LRP1B: variants seen among roughly 807,000 people sequenced by gnomAD.
LRP1B encodes the protein LDL receptor related protein 1B, also known as low-density lipoprotein receptor-related protein 1B.
LRP1B carries 217 observed loss-of-function variants against 556.6 expected under a neutral mutation model. The observed-to-expected ratio is 0.39, with a 90% CI of 0.35 to 0.44. The LOEUF (loss-of-function observed/expected upper bound fraction) is 0.44, where lower values mean the gene tolerates loss of function less well. Among genes scored for constraint, LRP1B ranks in the 20% least tolerant of loss-of-function variants. The probability of loss-of-function intolerance (pLI) is 1.00; values close to 1 mark genes in which losing one functional copy is unlikely to be tolerated. For missense variants in LRP1B, 5,053 were observed against 5,620.8 expected (o/e 0.90, Z 3.23); for synonymous variants, 2,047 against 1,865.8 (o/e 1.10, Z -2.50).
At chr2:141,414,814 C>T (rs1358450029) in intron 3 of LRP1B, among the ~76,000 whole-genome samples, 1 of 152,202 alleles carries the variant, frequency 6.6e-6, no homozygotes, top group African/African-American at 2.4e-5. Context: ...ATAACCAAAA[C>T]TGGTCTCTCT....
At chr2:140,802,130 A>G (rs1690535618) in intron 32 of LRP1B, among the ~76,000 whole-genome samples, 1 of 152,158 alleles carries the variant, frequency 6.6e-6, no homozygotes, top group Non-Finnish European at 1.5e-5. Flanking sequence ...TGACAATTCA[A>G]TTTCATTCTA....
At position 140,364,738 on chromosome 2, in the gene LRP1B, A is replaced by C. The variant is rs779124438; in HGVS notation, c.11054T>G (p.Leu3685Arg). 9.9e-6 allele frequency: 16 copies of C among 1,610,170 alleles called. No individual in the cohort carries two copies. The highest frequency in any genetic ancestry group is 1.4e-5 in the Non-Finnish European group (16 of 1,177,288). Residue 3685 changes from leucine (L) to arginine (R), a missense_variant, in exon 72 of 91, where the codon CTC becomes CGC. By Grantham distance (102) the Leu-to-Arg change is moderately radical. This residue lies in a region of LRP1B where 599 missense variants were observed against 648.4 expected (regional missense o/e 0.92). Coordinates refer to ENST00000389484, the MANE Select transcript of LRP1B (RefSeq NM_018557.3). ...RADEFLCNNSLCKLHFWVCDG... is the reference protein window; with the variant it reads ...RADEFLCNNSRCKLHFWVCDG... ...ACACACCCAGAAATGTAGTTTGCAGAGAGAATTATTGCAAAGGAACTCATC... is the reference window on the plus strand; with the variant it reads ...ACACACCCAGAAATGTAGTTTGCAGCGAGAATTATTGCAAAGGAACTCATC...
At chr2:140,836,518 T>C (rs781254784) in intron 31 of LRP1B, among the ~76,000 whole-genome samples, 1 of 152,226 alleles carries the variant, frequency 6.6e-6, no homozygotes, top group Non-Finnish European at 1.5e-5. Context: ...CTTTGAACAA[T>C]TTAATTCACT....
chr2:140,855,493 G>GAAAAAAAAAAAAAAAAAAAAAAA (rs56835236), intron 27 of LRP1B, among the ~76,000 whole-genome samples: 5 of 99,370 alleles, frequency 5.0e-5, no homozygotes, highest in African/African-American at 1.5e-4. Flanking sequence ...TCTCTACTGG[G>GAAAAAAAAAAAAAAAAAAAAAAA]AAAAAAAAAA....
chr2:140,623,283 T>A (rs538892833), intron 41 of LRP1B, among the ~76,000 whole-genome samples: 42 of 152,276 alleles, frequency 2.8e-4, no homozygotes, highest in African/African-American at 9.6e-4. Context: ...ATATCTACAG[T>A]TTACAACAAT....
intron 11 of LRP1B, among the ~76,000 whole-genome samples, chr2:141,040,621 G>T (rs889504915): frequency 2.0e-5 from 3 of 151,990 alleles, no homozygotes; most frequent in African/African-American, 7.2e-5. Context: ...GATTGTGTGT[G>T]TGTGTGCGCA....
chr2:140,695,392 A>AT (rs1686394846), intron 41 of LRP1B, among the ~76,000 whole-genome samples: 1 of 152,046 alleles, frequency 6.6e-6, no homozygotes, highest in Admixed American at 6.6e-5. Flanking sequence ...CCTACAAGTC[A>AT]TTGGCCTAAC....
At chr2:141,118,815 T>C (rs954528036) in intron 7 of LRP1B, among the ~76,000 whole-genome samples, 9 of 151,846 alleles carry the variant, frequency 5.9e-5, no homozygotes, top group Non-Finnish European at 1.0e-4. Flanking sequence ...TTTATAAAGA[T>C]TATAATCATA....
At chr2:140,349,082 A>G (rs1250535956) in intron 77 of LRP1B, among the ~76,000 whole-genome samples, 1 of 152,102 alleles carries the variant, frequency 6.6e-6, no homozygotes, top group Admixed American at 6.6e-5. Context: ...GACAGGGTGC[A>G]GAGCTCAGCT....
chr2:141,615,860 G>A (rs910734104), intron 2 of LRP1B, among the ~76,000 whole-genome samples: 12 of 152,094 alleles, frequency 7.9e-5, no homozygotes, highest in East Asian at 1.9e-4. Flanking sequence ...TGACTTTAAC[G>A]GCATAAATCC....
Position 141,975,959 on chromosome 2 carries a change from T to C in LRP1B, c.82+154689A>G, listed in dbSNP as rs1040425400. The stretch of plus-strand genomic sequence containing the variant: ...TCTGTTATTTATGTACAGGGCTTTT[T>C]TTGAATGCTGAAATGCTTTCTATGT... On this transcript the variant is annotated intron_variant, in intron 1 of 90. Coordinates refer to ENST00000389484, the MANE Select transcript of LRP1B (RefSeq NM_018557.3). Among the ~76,000 whole-genome samples, 4 of 152,316 alleles carry C rather than the reference T, an allele frequency of 2.6e-5. No homozygotes were observed. In the Middle Eastern group the frequency reaches 0.01, roughly 389 times the overall value.
At chr2:141,151,703 G>C (rs1214811173) in intron 7 of LRP1B, among the ~76,000 whole-genome samples, 1 of 152,034 alleles carries the variant, frequency 6.6e-6, no homozygotes, top group African/African-American at 2.4e-5. Context: ...GCTAGTATTA[G>C]ATCAATATCT....
Position 141,079,677 on chromosome 2 carries a change from G to A in LRP1B, c.1014-17404C>T, listed in dbSNP as rs952926413. ...ACTATTTCAGTTAGAACTTACACTA[G>A]TCTGTATACAAATTTTCATAATCAT... is the stretch of plus-strand genomic sequence containing the variant. On this transcript the variant is annotated intron_variant, in intron 7 of 90. Transcript: ENST00000389484. 2.0e-5 allele frequency among the ~76,000 whole-genome samples: 3 copies of A among 152,024 alleles called. No individual in the cohort carries two copies. In the South Asian group the frequency reaches 6.2e-4, roughly 31 times the overall value.
At chr2:140,583,171 C>CTTTTTTTTTTT (rs1219194754) in intron 43 of LRP1B, among the ~76,000 whole-genome samples, 25 of 48,036 alleles carry the variant, frequency 5.2e-4, no homozygotes, top group African/African-American at 8.6e-4. Context: ...CCTTTTTTTT[C>CTTTTTTTTTTT]TTTTTTTTTT....
intron 7 of LRP1B, among the ~76,000 whole-genome samples, chr2:141,092,319 G>A: frequency 6.6e-6 from 1 of 152,214 alleles, no homozygotes; most frequent in East Asian, 1.9e-4. Flanking sequence ...TTTATTGGAT[G>A]TAAGAAAGAG....
intron 86 of LRP1B, chr2:140,269,508 C>A: frequency 2.6e-6 from 1 of 387,540 alleles, no homozygotes; most frequent in African/African-American, 2.1e-5. Context: ...GCGCACTTCT[C>A]TCTCAAACAC....
At chr2:140,915,259 T>C (rs992851682) in intron 21 of LRP1B, among the ~76,000 whole-genome samples, 2 of 152,042 alleles carry the variant, frequency 1.3e-5, no homozygotes, top group Non-Finnish European at 2.9e-5. Flanking sequence ...AATATAGTTA[T>C]ATAGAGAAAG....
intron 2 of LRP1B, among the ~76,000 whole-genome samples, chr2:141,666,367 T>C (rs916940256): frequency 4.6e-5 from 7 of 152,134 alleles, no homozygotes; most frequent in Admixed American, 6.5e-5. Context: ...CAAATCCCAT[T>C]TTTTGCCTGG....
intron 18 of LRP1B, among the ~76,000 whole-genome samples, chr2:140,972,959 T>C (rs1332032412): frequency 9.3e-5 from 13 of 140,484 alleles, no homozygotes; most frequent in African/African-American, 2.0e-4. Context: ...TATATATATA[T>C]ACATATAATA....
Sources: gnomAD v4.1 joint callset for allele counts (sites outside exome capture counted in the v4.1 genomes callset) on GRCh38, gnomAD v4.1.1 for gene constraint, gnomAD v4.1.1 regional missense constraint, MANE v1.5 for transcripts, NCBI Gene and HGNC (gene_info 2026-07-23, HGNC 2026-07-21) for gene names.